GAP43: variants seen among roughly 807,000 people sequenced by gnomAD.
The protein encoded by GAP43 is neuromodulin.
GAP43 carries 6 observed loss-of-function variants against 18.6 expected under a neutral mutation model. That is an observed-to-expected ratio of 0.32 (90% CI 0.18 to 0.64). The LOEUF (loss-of-function observed/expected upper bound fraction) is 0.64. GAP43 is among the 30% of genes least tolerant of loss of function. The probability of loss-of-function intolerance (pLI) is 0.78; values close to 1 mark genes in which losing one functional copy is unlikely to be tolerated. For missense variants in GAP43, 292 were observed against 295.5 expected (o/e 0.99, Z 0.09); for synonymous variants, 115 against 111.4 (o/e 1.03, Z -0.20).
intron 2 of GAP43, among the ~76,000 whole-genome samples, chr3:115,702,136 A>C (rs1442832042): frequency 6.6e-6 from 1 of 152,154 alleles, no homozygotes; most frequent in Admixed American, 6.6e-5. Context: ...GATTGTACTT[A>C]CTTGGGAAGT....
intron 1 of GAP43, among the ~76,000 whole-genome samples, chr3:115,636,842 G>T (rs1708335921): frequency 6.6e-6 from 1 of 151,990 alleles, no homozygotes; most frequent in Non-Finnish European, 1.5e-5. Flanking sequence ...TCTCTCAGTT[G>T]TCATTTCCTT....
intron 2 of GAP43, among the ~76,000 whole-genome samples, chr3:115,687,291 G>A (rs1709047344): frequency 6.6e-6 from 1 of 152,146 alleles, no homozygotes; most frequent in African/African-American, 2.4e-5. Context: ...TCTTCACAAT[G>A]AGTATGGATA....
chr3:115,643,566 G>A (rs1708424093), intron 1 of GAP43, among the ~76,000 whole-genome samples: 1 of 151,974 alleles, frequency 6.6e-6, no homozygotes, highest in Non-Finnish European at 1.5e-5. Flanking sequence ...TCACTGTTCT[G>A]TCTGCCTAAA....
At chr3:115,702,453 T>C (rs1452682997) in intron 2 of GAP43, among the ~76,000 whole-genome samples, 1 of 151,984 alleles carries the variant, frequency 6.6e-6, no homozygotes, top group East Asian at 1.9e-4. Context: ...AAAGAAAAGC[T>C]AGAAAACAGC....
chr3:115,654,982 T>G (rs1254954677), intron 1 of GAP43, among the ~76,000 whole-genome samples: 1 of 152,136 alleles, frequency 6.6e-6, no homozygotes, highest in East Asian at 1.9e-4. Context: ...TTCAGATGGT[T>G]TGGTATATTT....
chr3:115,676,985 AT>A (rs1419418752), intron 2 of GAP43, among the ~76,000 whole-genome samples: 1 of 152,202 alleles, frequency 6.6e-6, no homozygotes, highest in Non-Finnish European at 1.5e-5. Context: ...TATTTTATGG[AT>A]GGGAATTAGC....
intron 1 of GAP43, among the ~76,000 whole-genome samples, chr3:115,627,031 A>G (rs1708197340): frequency 6.6e-6 from 1 of 151,180 alleles, no homozygotes; most frequent in African/African-American, 2.4e-5. Flanking sequence ...ATATAATTGA[A>G]GCTTCTCGTT....
chr3:115,647,353 T>C (rs1414545313), intron 1 of GAP43, among the ~76,000 whole-genome samples: 1 of 152,078 alleles, frequency 6.6e-6, no homozygotes, highest in Non-Finnish European at 1.5e-5. Flanking sequence ...TTTATGTTTA[T>C]TTTGTTTTCT....
At chr3:115,627,977 A>T (rs1343195523) in intron 1 of GAP43, among the ~76,000 whole-genome samples, 3 of 152,214 alleles carry the variant, frequency 2.0e-5, no homozygotes, top group African/African-American at 7.2e-5. Context: ...TGTAGAATGA[A>T]GAGTAAAAAC....
intron 2 of GAP43, among the ~76,000 whole-genome samples, chr3:115,696,096 G>A (rs954214686): frequency 6.6e-6 from 1 of 151,292 alleles, no homozygotes; most frequent in Non-Finnish European, 1.5e-5. Context: ...TGACTTTGGT[G>A]ATCTCTCTGA....
intron 1 of GAP43, chr3:115,658,651 C>G (rs989021290): frequency 2.0e-5 from 3 of 152,228 alleles, no homozygotes; most frequent in Admixed American, 2.0e-4. Context: ...AGCGACACGG[C>G]GCTTGGGGTC....
In GAP43 at chr3:115,651,768, G is replaced by T. The variant is rs577106788; in HGVS notation, c.31-24245G>T. Among the ~76,000 whole-genome samples, 32 of 152,036 alleles carry T rather than the reference G, an allele frequency of 2.1e-4. No homozygotes were observed. The South Asian group carries it at 6.6e-3, about 32-fold the overall frequency. ...TAAAATTGCTTTCCCTGAGGTCCTT[G>T]GTGGCCTTGTAATTTATATTTGCAA... On this transcript the variant is annotated intron_variant, in intron 1 of 2. Coordinates refer to ENST00000305124, the MANE Select transcript of GAP43 (RefSeq NM_002045.4).
In GAP43 at chr3:115,623,680, C is replaced by A; in HGVS notation, c.-10C>A. 1 of 1,614,000 alleles carries A rather than the reference C, an allele frequency of 6.2e-7. No homozygotes were observed. Among genetic ancestry groups the A allele is most frequent in the Non-Finnish European group, 8.5e-7 (1 of 1,179,922 alleles). ...GAGAAGGCAGGAAGAAGGCAAGGGACGAGACAACCATGCTGTGCTGTATGA... is the reference window on the plus strand; with the variant it reads ...GAGAAGGCAGGAAGAAGGCAAGGGAAGAGACAACCATGCTGTGCTGTATGA... On this transcript the variant is annotated 5_prime_UTR_variant, in exon 1 of 3. Transcript: ENST00000305124.
chr3:115,640,419 C>G (rs1447242365), intron 1 of GAP43, among the ~76,000 whole-genome samples: 7 of 151,996 alleles, frequency 4.6e-5, no homozygotes, highest in Admixed American at 4.6e-4. Context: ...CACTTAGAGC[C>G]TTTTCTAGAA....
chr3:115,679,207 A>G (rs569951584), intron 2 of GAP43, among the ~76,000 whole-genome samples: 4 of 152,270 alleles, frequency 2.6e-5, no homozygotes, highest in Non-Finnish European at 4.4e-5. Flanking sequence ...AAGGGGAAAA[A>G]TAGGTACAAA....
intron 1 of GAP43, among the ~76,000 whole-genome samples, chr3:115,665,733 A>G (rs543326060): frequency 5.0e-4 from 76 of 152,236 alleles, no homozygotes; most frequent in African/African-American, 1.8e-3. Flanking sequence ...TTTACTAACT[A>G]TCCAGTGGGG....
chr3:115,651,952 T>C (rs1708523319), intron 1 of GAP43, among the ~76,000 whole-genome samples: 1 of 152,246 alleles, frequency 6.6e-6, no homozygotes, highest in South Asian at 2.1e-4. Context: ...ATAGAGGTGA[T>C]ACAAAAACAT....
intron 1 of GAP43, among the ~76,000 whole-genome samples, chr3:115,664,878 G>A (rs1030689890): frequency 2.6e-5 from 4 of 152,082 alleles, no homozygotes; most frequent in African/African-American, 9.7e-5. Flanking sequence ...GATGCAATCC[G>A]CTTCCACCCC....
At chr3:115,657,125 T>C (rs10934301) in intron 1 of GAP43, among the ~76,000 whole-genome samples, 48,871 of 152,052 alleles carry the variant, frequency 0.32, 9,371 homozygotes, top group Non-Finnish European at 0.43. Context: ...ATGGATAAAA[T>C]GATTTCTTAT....
Sources: allele counts gnomAD v4.1 joint callset (sites outside exome capture counted in the v4.1 genomes callset), GRCh38; gene constraint gnomAD v4.1.1; transcripts MANE v1.5; gene names NCBI Gene and HGNC (gene_info 2026-07-23, HGNC 2026-07-21).